AJAP1: variants seen among roughly 807,000 people sequenced by gnomAD.
AJAP1 encodes the protein adherens junctions associated protein 1.
Under a neutral mutation model 35.0 loss-of-function variants are expected in AJAP1, and 5 were observed. That is an observed-to-expected ratio of 0.14 (90% CI 0.07 to 0.30). AJAP1 has a LOEUF of 0.30. Ranked by LOEUF, AJAP1 falls within the 10% of genes least tolerant of loss-of-function variation. The pLI is 1.00. For synonymous variants in AJAP1, 284 were observed against 249.3 expected (o/e 1.14, Z -1.31); for missense variants, 586 against 571.0 (o/e 1.03, Z -0.27).
intron 2 of AJAP1, among the ~76,000 whole-genome samples, chr1:4,722,777 T>C (rs1180150766): frequency 6.6e-6 from 1 of 152,156 alleles, no homozygotes; most frequent in Non-Finnish European, 1.5e-5. Context: ...AGGACACTTG[T>C]CATTGGATTT....
chr1:4,671,937 A>G (rs1639257271), intron 1 of AJAP1, among the ~76,000 whole-genome samples: 1 of 152,136 alleles, frequency 6.6e-6, no homozygotes, highest in African/African-American at 2.4e-5. Flanking sequence ...GCAGACTTTC[A>G]AAAAGGAAAG....
In AJAP1 at chr1:4,720,139, G is replaced by A. The variant is rs1640485010; in HGVS notation, c.829+7440G>A. On this transcript the variant is annotated intron_variant, in intron 2 of 5. Transcript: ENST00000378191. This position sits in a 1 kb window ranked among gnomAD's most constrained non-coding sequence, Gnocchi z 4.4. ...AGTGACGTTTGAGGGCTCCCCAGGT[G>A]GTCACTGACACTCAGTCCCGGAGAC... Among the ~76,000 whole-genome samples, 1 of 152,174 alleles carries A rather than the reference G, an allele frequency of 6.6e-6. No homozygotes were observed. The highest frequency in any genetic ancestry group is 2.4e-5 in the African/African-American group (1 of 41,428).
chr1:4,781,934 C>T (rs1642071847), intron 5 of AJAP1, among the ~76,000 whole-genome samples: 1 of 152,226 alleles, frequency 6.6e-6, no homozygotes, highest in Non-Finnish European at 1.5e-5. Context: ...CACACCTGAC[C>T]TGTGCCCAGG....
intron 2 of AJAP1, among the ~76,000 whole-genome samples, chr1:4,759,821 G>A (rs1047816226): frequency 6.6e-6 from 1 of 151,998 alleles, no homozygotes; most frequent in African/African-American, 2.4e-5. Flanking sequence ...TGCTGGTGGC[G>A]CTGGGAGTTG....
intron 1 of AJAP1, among the ~76,000 whole-genome samples, chr1:4,680,246 C>T (rs1220110701): frequency 6.6e-6 from 1 of 152,186 alleles, no homozygotes; most frequent in Non-Finnish European, 1.5e-5. Flanking sequence ...AACACCCTCA[C>T]CCATACACCC....
At chr1:4,727,174 G>A (rs1640682956) in intron 2 of AJAP1, among the ~76,000 whole-genome samples, 1 of 152,232 alleles carries the variant, frequency 6.6e-6, no homozygotes, top group South Asian at 2.1e-4. Flanking sequence ...GCTCAGGTGG[G>A]TGAAGAGCAG....
chr1:4,699,128 G>A (rs563359628), intron 1 of AJAP1, among the ~76,000 whole-genome samples: 58 of 152,306 alleles, frequency 3.8e-4, no homozygotes, highest in African/African-American at 1.3e-3. Context: ...GGCCCAGTGA[G>A]GTGAAGGGGC....
At chr1:4,713,207 G>A (rs1640307951) in intron 2 of AJAP1, among the ~76,000 whole-genome samples, 1 of 152,234 alleles carries the variant, frequency 6.6e-6, no homozygotes, top group African/African-American at 2.4e-5. Flanking sequence ...GACCTCGGTA[G>A]AGGATTAGGA....
intron 2 of AJAP1, among the ~76,000 whole-genome samples, chr1:4,743,536 G>A (rs909922978): frequency 1.3e-5 from 2 of 152,144 alleles, no homozygotes; most frequent in African/African-American, 4.8e-5. Context: ...ATGTGTCCGC[G>A]TTCATTCATT....
At chr1:4,710,251 G>A (rs1557619585) in intron 1 of AJAP1, among the ~76,000 whole-genome samples, 1 of 151,852 alleles carries the variant, frequency 6.6e-6, no homozygotes, top group Non-Finnish European at 1.5e-5. Context: ...CTTCTATGCT[G>A]ACACACATGG....
intron 4 of AJAP1, among the ~76,000 whole-genome samples, chr1:4,772,875 T>C (rs1195753441): frequency 6.6e-6 from 1 of 152,000 alleles, no homozygotes; most frequent in East Asian, 1.9e-4. Context: ...CTCCTAAATA[T>C]CAACAGATCA....
Position 4,721,157 on chromosome 1 carries a change from G to T in AJAP1, c.829+8458G>T, listed in dbSNP as rs957731094. On this transcript the variant is annotated intron_variant, in intron 2 of 5. Coordinates refer to ENST00000378191, the MANE Select transcript of AJAP1 (RefSeq NM_018836.4). ...CTGTTCTCCAAGCCACCCTGGGAAG[G>T]GGGTAGGAGGGGGATCTGCAGCTGG... is the stretch of plus-strand genomic sequence containing the variant. Among the ~76,000 whole-genome samples the T allele has an allele frequency of 7.9e-5, 12 of 152,376 alleles. No individual in the cohort carries two copies. In the Middle Eastern group the frequency reaches 0.01, roughly 130 times the overall value.
At chr1:4,769,265 CTG>C (rs1305366064) in intron 2 of AJAP1, among the ~76,000 whole-genome samples, 1 of 152,142 alleles carries the variant, frequency 6.6e-6, no homozygotes, top group African/African-American at 2.4e-5. Context: ...AGCGAGGACT[CTG>C]GAAAGAGGAA....
chr1:4,736,154 C>T (rs1010789723), intron 2 of AJAP1, among the ~76,000 whole-genome samples: 9 of 152,268 alleles, frequency 5.9e-5, no homozygotes, highest in African/African-American at 1.9e-4. Context: ...GTAAAGGCTG[C>T]AGAGGTGTCC....
At chr1:4,774,374 T>C (rs1296854986) in intron 4 of AJAP1, 53 bp from the exon 5 acceptor site, 11 of 1,548,828 alleles carry the variant, frequency 7.1e-6, no homozygotes, top group Non-Finnish European at 9.8e-6. Context: ...TTGCCTATCA[T>C]GTGTCATGGT....
At chr1:4,746,321 A>G (rs368808) in intron 2 of AJAP1, among the ~76,000 whole-genome samples, 98,477 of 151,980 alleles carry the variant, frequency 0.65, 32,795 homozygotes, top group Non-Finnish European at 0.68. Context: ...CCTGAGTCCC[A>G]GGCAATTGAG....
rs552816441 is a variant in AJAP1, at chr1:4,665,940, A to G, written c.29+10486A>G. 1.3e-5 allele frequency among the ~76,000 whole-genome samples: 2 copies of G among 152,278 alleles called. 1 individual carries two copies. Among genetic ancestry groups the G allele is most frequent in the South Asian group, 4.1e-4 (2 of 4,830 alleles). ...CGTTTGACTCCCTTCTCAGAGGATGAGAGGAAGGAAGCCCATTGGGCCCGA... is the reference window on the plus strand; with the variant it reads ...CGTTTGACTCCCTTCTCAGAGGATGGGAGGAAGGAAGCCCATTGGGCCCGA... On this transcript the variant is annotated intron_variant, in intron 1 of 5. Coordinates refer to ENST00000378191, the MANE Select transcript of AJAP1 (RefSeq NM_018836.4).
rs1386340796 is a variant in AJAP1, at chr1:4,729,576, CTG to C, written c.829+16880_829+16881del. The stretch of plus-strand genomic sequence containing the variant: ...GCAGCAGGGCTGGTTCCTTCTGGGG[CTG>C]TGAGAATCTGTCTCCACCCGAGCCT... On this transcript the variant is annotated intron_variant, in intron 2 of 5. Transcript: ENST00000378191. Among the ~76,000 whole-genome samples the C allele has an allele frequency of 3.9e-5, 6 of 152,346 alleles. No homozygotes were observed. In the East Asian group the frequency reaches 1.2e-3, roughly 29 times the overall value.
intron 1 of AJAP1, among the ~76,000 whole-genome samples, chr1:4,701,717 A>G (rs1639993076): frequency 6.6e-6 from 1 of 152,204 alleles, no homozygotes; most frequent in South Asian, 2.1e-4. Flanking sequence ...TCACCCTTAG[A>G]TGAGAACTGG....
Sources: allele counts gnomAD v4.1 joint callset (sites outside exome capture counted in the v4.1 genomes callset), GRCh38; gene constraint gnomAD v4.1.1; non-coding constraint Gnocchi (gnomAD v3.1); transcripts MANE v1.5; gene names NCBI Gene and HGNC (gene_info 2026-07-23, HGNC 2026-07-21).